The following ROBO4 variants were observed in gnomAD, a reference collection of about 807,000 sequenced individuals.
ROBO4 encodes the protein roundabout homolog 4.
Under a neutral mutation model 103.3 loss-of-function variants are expected in ROBO4, and 80 were observed. The observed-to-expected ratio is 0.77, with a 90% CI of 0.65 to 0.93. The LOEUF (loss-of-function observed/expected upper bound fraction) is 0.93, where lower values mean the gene tolerates loss of function less well. ROBO4 is among the 40% of genes least tolerant of loss of function. The pLI is 0.00. For synonymous variants in ROBO4, 504 were observed against 529.7 expected, an observed-to-expected ratio of 0.95 and a Z score of 0.67; for missense variants, 1,333 against 1,305.3, an observed-to-expected ratio of 1.02 and a Z score of -0.33.
Position 124,894,300 on chromosome 11 carries a change from C to T in ROBO4, c.1219G>A (p.Glu407Lys), listed in dbSNP as rs769202799. 16 of 1,614,086 alleles carry T rather than the reference C, an allele frequency of 9.9e-6. No homozygotes were observed. Among genetic ancestry groups the T allele is most frequent in the Non-Finnish European group, 1.3e-5 (15 of 1,180,018 alleles). The change falls in exon 8 of 18, where the codon GAA becomes AAA. Residue 407 changes from glutamate (E) to lysine (K), a missense_variant. Glu to Lys is a moderately conservative substitution (Grantham distance 56). Coordinates refer to ENST00000306534, the MANE Select transcript of ROBO4 (RefSeq NM_019055.6). ...GAGCCTGGCATATGGGTGGCGATTTCCAGCTGGGTCTGCTCACCAACTACA... is the reference window on the plus strand; with the variant it reads ...GAGCCTGGCATATGGGTGGCGATTTTCAGCTGGGTCTGCTCACCAACTACA... The part of the protein sequence containing the change: ...WTVVGEQTQL[E>K]IATHMPGSYC...
rs761485800 is a variant in ROBO4 at position 124,895,804 on chromosome 11, G to A, written c.788C>T (p.Ala263Val). 2.6e-5 allele frequency: 42 copies of A among 1,614,008 alleles called. No individual in the cohort carries two copies. The highest frequency in any genetic ancestry group is 1.7e-4 in the African/African-American group (13 of 74,906). The change falls in exon 5 of 18, where the codon GCG (alanine) becomes GTG (valine). Residue 263 changes from alanine (A) to valine (V), a missense_variant. Transcript: ENST00000306534. ...CCTCACCTTCCAGCTGAGCCACACC[G>A]CCGGTCTAGGCTTGGGGCCCTCTGC... The part of the protein sequence containing the change: ...DPAEGPKPRP[A>V]VWLSWKVSGP...
intron 16 of ROBO4, 90 bp downstream of exon 16, chr11:124,886,374 A>C (rs1946711654): frequency 3.0e-6 from 3 of 996,220 alleles, no homozygotes; most frequent in Admixed American, 2.2e-5. Flanking sequence ...CATTCAATAA[A>C]ACTAGTTGTT....
chr11:124,891,516 G>A lies in ROBO4; in HGVS notation c.1731C>T (p.Asp577=). 6.2e-7 allele frequency: 1 copy of A among 1,614,218 alleles called. No homozygotes were observed. Among genetic ancestry groups the A allele is most frequent in the Non-Finnish European group, 8.5e-7 (1 of 1,180,028 alleles). The change falls in exon 12 of 18, where the codon GAC becomes GAT. Residue 577 remains aspartate (D), a synonymous_variant. Coordinates refer to ENST00000306534, the MANE Select transcript of ROBO4 (RefSeq NM_019055.6). ...TGAGGGAGCCATAAAAAGTGCTGGT[G>A]TCTGGAAGCAGGGGCACGCCGGGGC... The part of the protein sequence containing the change: ...SRSPGVPLLP[D]TSTFYGSLIA...
Position 124,887,038 on chromosome 11 carries a change from C to T in ROBO4, c.2374G>A (p.Val792Met), listed in dbSNP as rs371875012. 2.0e-5 allele frequency: 32 copies of T among 1,613,830 alleles called. No homozygotes were observed. Among genetic ancestry groups the T allele is most frequent in the South Asian group, 7.7e-5 (7 of 91,084 alleles). ...AGGGCTACCTCCTCAGGGGTCAGCA[C>T]GCTGTCTTGATCCTCCCCCAGGGAT... Reference protein sequence around the residue: ...LSSLGEDQDSVLTPEEVALCL... With the variant: ...LSSLGEDQDSMLTPEEVALCL... The change falls in exon 15 of 18, where the codon GTG (valine) becomes ATG (methionine). Residue 792 changes from valine to methionine, a missense_variant. By Grantham distance (21) the Val-to-Met change is conservative (BLOSUM62 1). Coordinates refer to ENST00000306534, the MANE Select transcript of ROBO4 (RefSeq NM_019055.6).
In ROBO4 at chr11:124,883,999, C is replaced by A; in HGVS notation, c.*892G>T. The A allele has an allele frequency of 6.6e-6, 1 of 152,234 alleles. No individual in the cohort carries two copies. The highest frequency in any genetic ancestry group is 1.5e-5 in the Non-Finnish European group (1 of 68,032). 9.4% of individuals were successfully genotyped at this position (152,234 alleles called of 1,614,324 possible). A position where few individuals can be genotyped will look rare whatever the true frequency, so the allele number is the denominator to read the frequency against. ...GAGGAGGTGGATTTAATATAAGTTG[C>A]CAGGACCAGCAGACCCTGAAACTCC... On this transcript the variant is annotated 3_prime_UTR_variant, in exon 18 of 18. Coordinates refer to ENST00000306534, the MANE Select transcript of ROBO4 (RefSeq NM_019055.6).
At position 124,886,632 on chromosome 11, in the gene ROBO4, C is replaced by A; in HGVS notation, c.2626G>T (p.Gly876Cys). 1.2e-6 allele frequency: 2 copies of A among 1,614,144 alleles called. No individual in the cohort carries two copies. Among genetic ancestry groups the A allele is most frequent in the South Asian group, 2.2e-5 (2 of 91,074 alleles). Residue 876 changes from glycine to cysteine, a missense_variant, in exon 16 of 18, where the codon GGT (glycine) becomes TGT (cysteine). Gly to Cys is a radical substitution (Grantham distance 159). Transcript: ENST00000306534. ...TTGTCCTCAGAGGCTGAGCCCCAAC[C>A]ATTGGCTAAGGAGCCCTCGCTGGGG... ...PTPSEGSLAN[G>C]WGSASEDNAA...
In ROBO4 at chr11:124,891,394, CAG is replaced by C; in HGVS notation, c.1851_1852del (p.Cys618PhefsTer54). ...GCTGCAGAGGCTGTCTGAGCTGGAA[CAG>C]GGGCTGGAGAGCTGGGCCAGCTGGG... On this transcript the variant is annotated frameshift_variant, in exon 12 of 18. Coordinates refer to ENST00000306534, the MANE Select transcript of ROBO4 (RefSeq NM_019055.6). LOFTEE classifies it high-confidence loss of function. The C allele has an allele frequency of 6.4e-7, 1 of 1,573,102 alleles. No homozygotes were observed. Among genetic ancestry groups the C allele is most frequent in the Middle Eastern group, 1.8e-4 (1 of 5,534 alleles).
intron 10 of ROBO4, among the ~76,000 whole-genome samples, chr11:124,893,233 G>A (rs1157585348): frequency 6.6e-6 from 1 of 152,246 alleles, no homozygotes; most frequent in African/African-American, 2.4e-5. Flanking sequence ...TTTGAGAACA[G>A]TGAGGAAGAA....
Position 124,891,388 on chromosome 11 carries a change from C to T in ROBO4, c.1859G>A (p.Ser620Asn), listed in dbSNP as rs764754815. The T allele has an allele frequency of 6.4e-7, 1 of 1,568,916 alleles. No homozygotes were observed. Among genetic ancestry groups the T allele is most frequent in the South Asian group, 1.2e-5 (1 of 82,316 alleles). The stretch of plus-strand genomic sequence containing the variant: ...CCTGCGGCTGCAGAGGCTGTCTGAG[C>T]TGGAACAGGGGCTGGAGAGCTGGGC... Reference protein sequence around the residue: ...QLAQLSSPCSSSDSLCSRRGL... With the variant: ...QLAQLSSPCSNSDSLCSRRGL... The change falls in exon 12 of 18, where the codon AGC becomes AAC. Residue 620 changes from serine (S) to asparagine (N), a missense_variant. Physicochemically the swap from Ser to Asn is conservative, Grantham distance 46. Transcript: ENST00000306534.
chr11:124,891,234 T>A, intron 12 of ROBO4, 65 bp downstream of exon 12: 1 of 1,493,674 alleles, frequency 6.7e-7, no homozygotes, highest in Non-Finnish European at 8.9e-7. Context: ...CTTGTTCCCA[T>A]CACATTCCCA....
At chr11:124,887,270 C>A in intron 14 of ROBO4, 57 bp from the exon 15 acceptor site, 3 of 1,596,626 alleles carry the variant, frequency 1.9e-6, no homozygotes, top group Non-Finnish European at 2.6e-6. Context: ...CAAGTCCTTT[C>A]CCCCCTTCCC....
At position 124,894,189 on chromosome 11, in the gene ROBO4, C is replaced by T. The variant is rs1212700987; in HGVS notation, c.1318+12G>A. On this transcript the variant is annotated intron_variant, in intron 8 of 17. Transcript: ENST00000306534. ...CTGAAGGGTAGGGTGGGTCTGTGGG[C>T]ACTGCCCTCACCTAAAAGGAGGCAG... is the stretch of plus-strand genomic sequence containing the variant. The T allele has an allele frequency of 4.4e-6, 7 of 1,603,076 alleles. No individual in the cohort carries two copies. The highest frequency in any genetic ancestry group is 4.3e-6 in the Non-Finnish European group (5 of 1,173,676).
chr11:124,891,240 T>G (rs1001287417), intron 12 of ROBO4, 59 bp downstream of exon 12: 1 of 1,494,606 alleles, frequency 6.7e-7, no homozygotes, highest in African/African-American at 1.4e-5. Context: ...CCCATCACAT[T>G]CCCATTCCTG....
intron 12 of ROBO4, among the ~76,000 whole-genome samples, chr11:124,890,646 G>A (rs1004682608): frequency 6.6e-6 from 1 of 152,176 alleles, no homozygotes; most frequent in Non-Finnish European, 1.5e-5. Context: ...AGGATTAAAT[G>A]AAATAACAAA....
At position 124,894,361 on chromosome 11, in the gene ROBO4, G is replaced by A. The variant is rs1946848346; in HGVS notation, c.1158C>T (p.Ser386=). The A allele has an allele frequency of 6.2e-7, 1 of 1,611,890 alleles. No individual in the cohort carries two copies. Among genetic ancestry groups the A allele is most frequent in the African/African-American group, 1.3e-5 (1 of 74,870 alleles). The change falls in exon 8 of 18, where the codon AGC becomes AGT. Residue 386 remains serine (S), a synonymous_variant. Coordinates refer to ENST00000306534, the MANE Select transcript of ROBO4 (RefSeq NM_019055.6). ...CTGGTGGCAGTGATGTGTTGCCCAG[G>A]CTCCAGACCTGAGGCACAAGCAGAG... ...NGIIRGYQVW[S]LGNTSLPPAN... is the part of the protein sequence containing the mutation.
chr11:124,896,064 G>A, intron 4 of ROBO4, 134 bp downstream of exon 4: 1 of 1,511,994 alleles, frequency 6.6e-7, no homozygotes. Context: ...TAGCAGGGGG[G>A]AACCTCCCGC....
At chr11:124,892,563 C>T (rs1330508954) in intron 10 of ROBO4, 1 of 157,086 alleles carries the variant, frequency 6.4e-6, no homozygotes, top group Non-Finnish European at 1.4e-5. Context: ...CTTCATTGCT[C>T]TTCTCTCCAT....
chr11:124,896,900 C>T (rs757070084), intron 2 of ROBO4, 32 bp downstream of exon 2: 178 of 1,595,998 alleles, frequency 1.1e-4, no homozygotes, highest in Non-Finnish European at 1.4e-4. Flanking sequence ...CCCAGGTTTG[C>T]CCCACCCTGA....
rs995173036 is a variant in ROBO4, at chr11:124,895,670, C to T, written c.823G>A (p.Ala275Thr). 1.2e-6 allele frequency: 2 copies of T among 1,612,752 alleles called. No individual in the cohort carries two copies. Among genetic ancestry groups the T allele is most frequent in the Admixed American group, 3.3e-5 (2 of 59,984 alleles). Residue 275 changes from alanine (A) to threonine (T), a missense_variant, in exon 6 of 18, where the codon GCG becomes ACG. Transcript: ENST00000306534. ...AAGGCCGTGTAAGATTGGGCAGGCGCAGCAGGGCCACTGACCTGGGAAGGA... is the reference window on the plus strand; with the variant it reads ...AAGGCCGTGTAAGATTGGGCAGGCGTAGCAGGGCCACTGACCTGGGAAGGA... ...WLSWKVSGPA[A>T]PAQSYTALFR...
Sources: gnomAD v4.1 joint callset for allele counts (sites outside exome capture counted in the v4.1 genomes callset) on GRCh38, gnomAD v4.1.1 for gene constraint, MANE v1.5 for transcripts, NCBI Gene and HGNC (gene_info 2026-07-23, HGNC 2026-07-21) for gene names.